ITFG1: variants seen among roughly 807,000 people sequenced by gnomAD.
The protein encoded by ITFG1 is T-cell immunomodulatory protein.
ITFG1 carries 34 observed loss-of-function variants against 81.8 expected under a neutral mutation model. The ratio of observed to expected loss-of-function variants is 0.42; its 90% confidence interval spans 0.32 to 0.55. The LOEUF (loss-of-function observed/expected upper bound fraction) is 0.55. ITFG1 is among the 20% of genes least tolerant of loss of function. The pLI is 0.17. For synonymous variants in ITFG1, 285 were observed against 270.6 expected (o/e 1.05, Z -0.52); for missense variants, 672 against 755.4 (o/e 0.89, Z 1.29).
intron 14 of ITFG1, among the ~76,000 whole-genome samples, chr16:47,174,197 T>A (rs891062163): frequency 5.9e-5 from 9 of 152,352 alleles, no homozygotes; most frequent in African/African-American, 2.2e-4. Flanking sequence ...AACAATGCAG[T>A]ATAGGAGATA....
At chr16:47,452,925 G>A (rs1297281237) in intron 3 of ITFG1, 135 bp from the exon 4 acceptor site, 8 of 523,440 alleles carry the variant, frequency 1.5e-5, no homozygotes, top group African/African-American at 4.0e-5. Context: ...TCATTAATGA[G>A]ATACTATAAA....
chr16:47,234,605 T>C (rs1419144365), intron 13 of ITFG1, among the ~76,000 whole-genome samples: 1 of 152,088 alleles, frequency 6.6e-6, no homozygotes, highest in Non-Finnish European at 1.5e-5. Context: ...TACCCAAGCA[T>C]ATCATATTCG....
At chr16:47,181,136 C>T (rs528618550) in intron 14 of ITFG1, among the ~76,000 whole-genome samples, 4 of 149,416 alleles carry the variant, frequency 2.7e-5, no homozygotes, top group African/African-American at 7.4e-5. Flanking sequence ...ATGTGGGGAG[C>T]GCCGCTGCCC....
At chr16:47,378,848 T>G (rs1175965357) in intron 6 of ITFG1, among the ~76,000 whole-genome samples, 1 of 152,084 alleles carries the variant, frequency 6.6e-6, no homozygotes. Flanking sequence ...TAAAGAAAAT[T>G]TTTAATCAAT....
intron 5 of ITFG1, among the ~76,000 whole-genome samples, chr16:47,437,542 T>C (rs911812539): frequency 6.7e-6 from 1 of 149,530 alleles, no homozygotes; most frequent in Admixed American, 6.7e-5. Flanking sequence ...ATGTCCAAGG[T>C]GTAAAAAAAG....
intron 13 of ITFG1, among the ~76,000 whole-genome samples, chr16:47,235,678 T>G (rs754810336): frequency 2.6e-5 from 4 of 152,200 alleles, no homozygotes; most frequent in Non-Finnish European, 5.9e-5. Flanking sequence ...ACTCATGAAT[T>G]AACTCAAGTG....
intron 6 of ITFG1, among the ~76,000 whole-genome samples, chr16:47,379,127 A>G (rs568207213): frequency 6.6e-6 from 1 of 152,136 alleles, no homozygotes; most frequent in African/African-American, 2.4e-5. Flanking sequence ...TCAATGGTCA[A>G]TTTGGAGGTA....
chr16:47,222,966 G>C (rs1321733984), intron 13 of ITFG1, among the ~76,000 whole-genome samples: 3 of 151,880 alleles, frequency 2.0e-5, no homozygotes, highest in African/African-American at 7.3e-5. Context: ...ACAAACCTGA[G>C]AAAAACAAGC....
At chr16:47,177,919 A>G (rs1349661822) in intron 14 of ITFG1, among the ~76,000 whole-genome samples, 1 of 152,250 alleles carries the variant, frequency 6.6e-6, no homozygotes, top group African/African-American at 2.4e-5. Flanking sequence ...TATTGTTAAC[A>G]GGATAAACTT....
chr16:47,446,640 C>A lies in ITFG1; in HGVS notation c.560+4756G>T, dbSNP rs539808284. 2.4e-4 allele frequency among the ~76,000 whole-genome samples: 37 copies of A among 152,244 alleles called. No homozygotes were observed. In the South Asian group the frequency reaches 7.5e-3, roughly 31 times the overall value. ...TGTGAAACTCACTCAGGAGCTAGAA[C>A]TCAGAGCTTAGGCCTCCAGACTGAT... On this transcript the variant is annotated intron_variant, in intron 5 of 17. Transcript: ENST00000320640.
At chr16:47,204,592 T>A (rs1311889862) in intron 14 of ITFG1, among the ~76,000 whole-genome samples, 1 of 152,210 alleles carries the variant, frequency 6.6e-6, no homozygotes, top group Admixed American at 6.5e-5. Flanking sequence ...TAAGGAGGTA[T>A]GCATACACAC....
At chr16:47,454,233 A>G (rs1969424065) in intron 2 of ITFG1, 75 bp from the exon 3 acceptor site, 2 of 1,224,284 alleles carry the variant, frequency 1.6e-6, no homozygotes, top group South Asian at 1.3e-5. Flanking sequence ...CTACCACACA[A>G]AAATATTTTC....
At chr16:47,277,311 CAT>C (rs1966407746) in intron 10 of ITFG1, among the ~76,000 whole-genome samples, 1 of 152,172 alleles carries the variant, frequency 6.6e-6, no homozygotes, top group Non-Finnish European at 1.5e-5. Context: ...TAGGTATACA[CAT>C]GAGATTGGTT....
chr16:47,271,070 C>T (rs191218271), intron 10 of ITFG1, among the ~76,000 whole-genome samples: 1 of 152,146 alleles, frequency 6.6e-6, no homozygotes, highest in Admixed American at 6.5e-5. Flanking sequence ...CCCAATTAAG[C>T]TATTAAAAAT....
intron 7 of ITFG1, among the ~76,000 whole-genome samples, chr16:47,367,823 GTAAGTGTAT>G (rs539353529): frequency 4.3e-4 from 65 of 152,246 alleles, no homozygotes; most frequent in Non-Finnish European, 8.7e-4. Context: ...ATCTTATTTA[GTAAGTGTAT>G]TAAGCCTCAG....
At chr16:47,222,688 C>T (rs1477137141) in intron 13 of ITFG1, among the ~76,000 whole-genome samples, 1 of 152,194 alleles carries the variant, frequency 6.6e-6, no homozygotes, top group Non-Finnish European at 1.5e-5. Flanking sequence ...GCTGGGATTA[C>T]AGGCGTGAGC....
chr16:47,262,059 A>G (rs1458702482), intron 10 of ITFG1, among the ~76,000 whole-genome samples: 1 of 152,242 alleles, frequency 6.6e-6, no homozygotes, highest in Non-Finnish European at 1.5e-5. Flanking sequence ...GAGTTTGATT[A>G]TAAGAAAGCA....
At chr16:47,184,305 C>T in intron 14 of ITFG1, among the ~76,000 whole-genome samples, 1 of 152,098 alleles carries the variant, frequency 6.6e-6, no homozygotes, top group East Asian at 1.9e-4. Context: ...TCGAGAAGAG[C>T]AACTCCAGGA....
Position 47,260,570 on chromosome 16 carries a change from G to GCAA in ITFG1, c.1193_1195dup (p.Val398dup). ...ATCTTCGTAAATGTCAAAGAAGGTG[G>GCAA]CAACCATGGCATCCTTAATTTGATT... is the stretch of plus-strand genomic sequence containing the variant. On this transcript the variant is annotated inframe_insertion, in exon 11 of 18. Transcript: ENST00000320640. 6.2e-7 allele frequency: 1 copy of GCAA among 1,614,114 alleles called. No individual in the cohort carries two copies. Among genetic ancestry groups the GCAA allele is most frequent in the Non-Finnish European group, 8.5e-7 (1 of 1,180,002 alleles).
Sources: allele counts gnomAD v4.1 joint callset (sites outside exome capture counted in the v4.1 genomes callset), GRCh38; gene constraint gnomAD v4.1.1; transcripts MANE v1.5; gene names NCBI Gene and HGNC (gene_info 2026-07-23, HGNC 2026-07-21).